Variants in SUGT1 observed in about 807,000 individuals in gnomAD.
SUGT1 encodes SGT1 assembly cochaperone of MIS12 kinetochore complex, also known as protein SGT1 homolog.
In SUGT1, 15 loss-of-function variants were observed where a neutral mutation model predicts 56.1. The ratio of observed to expected loss-of-function variants is 0.27; its 90% CI spans 0.18 to 0.41. The LOEUF (loss-of-function observed/expected upper bound fraction) is 0.41, where lower values mean the gene tolerates loss of function less well. Ranked by LOEUF, SUGT1 falls within the 10% of genes least tolerant of loss-of-function variation. The pLI is 1.00. For synonymous variants in SUGT1, 123 were observed against 128.6 expected, an observed-to-expected ratio of 0.96 and a Z score of 0.30; for missense variants, 347 against 382.2, an observed-to-expected ratio of 0.91 and a Z score of 0.77.
chr13:52,673,255 T>TTTTTTTG (rs1963011471), intron 10 of SUGT1, among the ~76,000 whole-genome samples: 1 of 147,668 alleles, frequency 6.8e-6, no homozygotes. Context: ...TTTTTTTTTT[T>TTTTTTTG]GTGTGGGGGT....
At chr13:52,659,854 A>T (rs776600840) in intron 5 of SUGT1, among the ~76,000 whole-genome samples, 8 of 107,908 alleles carry the variant, frequency 7.4e-5, no homozygotes, top group Non-Finnish European at 1.2e-4. Context: ...TTTGAGACGG[A>T]GTCTCACTCT....
chr13:52,658,238 A>G (rs1439497010), intron 3 of SUGT1, 161 bp from the exon 4 acceptor site: 1 of 1,518,826 alleles, frequency 6.6e-7, no homozygotes. Flanking sequence ...TACAAGAGTA[A>G]TATTTATTTG....
At position 52,699,080 on chromosome 13, in the gene SUGT1, A is replaced by G. The variant is rs536931500; in HGVS notation, c.*11245A>G. On this transcript the variant is annotated 3_prime_UTR_variant, in exon 13 of 13. Transcript: ENST00000310528. ...TCACCTCTAATGCCTTATTTCCAGTAAAGTTTAGAGAAGAGGAAAAGCTAC... is the reference window on the plus strand; with the variant it reads ...TCACCTCTAATGCCTTATTTCCAGTGAAGTTTAGAGAAGAGGAAAAGCTAC... 6.6e-6 allele frequency: 1 copy of G among 152,334 alleles called. No individual in the cohort carries two copies. Among genetic ancestry groups the G allele is most frequent in the South Asian group, 2.1e-4 (1 of 4,820 alleles). The allele number at this position is 152,334 out of a possible 1,614,324, so 9.4% of individuals were successfully genotyped here. A position where few individuals can be genotyped will look rare whatever the true frequency, so the allele number is the denominator to read the frequency against.
At chr13:52,668,234 C>T (rs1303399094) in intron 10 of SUGT1, among the ~76,000 whole-genome samples, 1 of 152,172 alleles carries the variant, frequency 6.6e-6, no homozygotes. Flanking sequence ...CCCACCTTGG[C>T]CTCCCAAACT....
In SUGT1 at chr13:52,686,726, A is replaced by C. The variant is rs541377585; in HGVS notation, c.901-1008A>C. On this transcript the variant is annotated intron_variant, in intron 12 of 12. Coordinates refer to ENST00000310528, the MANE Select transcript of SUGT1 (RefSeq NM_006704.5). The stretch of plus-strand genomic sequence containing the variant: ...TGTTTATATTGTAATAATTCGCTCT[A>C]TTCTTTGATGTGGTTCAAATCCATT... 3.3e-5 allele frequency among the ~76,000 whole-genome samples: 5 copies of C among 152,326 alleles called. No individual in the cohort carries two copies. In the South Asian group the frequency reaches 6.2e-4, roughly 19 times the overall value.
chr13:52,661,598 C>G, intron 5 of SUGT1: 1 of 415,652 alleles, frequency 2.4e-6, no homozygotes, highest in Non-Finnish European at 4.8e-6. Flanking sequence ...CGGCCAAAAT[C>G]TGGGAAAAAG....
At chr13:52,658,286 A>G in intron 3 of SUGT1, 113 bp from the exon 4 acceptor site, 1 of 1,551,078 alleles carries the variant, frequency 6.4e-7, no homozygotes, top group Non-Finnish European at 8.7e-7. Context: ...ATTTAAAACC[A>G]TTTGGCATTT....
At chr13:52,684,475 A>G (rs1963498754) in intron 12 of SUGT1, among the ~76,000 whole-genome samples, 2 of 146,174 alleles carry the variant, frequency 1.4e-5, no homozygotes, top group Admixed American at 1.4e-4. Flanking sequence ...TGCTTGCTTT[A>G]AGGTGCATTT....
rs892584958 is a variant in SUGT1 at position 52,700,461 on chromosome 13, A to G, written c.*12626A>G. 1.3e-5 allele frequency: 2 copies of G among 152,148 alleles called. No homozygotes were observed. Among genetic ancestry groups the G allele is most frequent in the Non-Finnish European group, 2.9e-5 (2 of 68,002 alleles). The allele number at this position is 152,148 out of a possible 1,614,324, so 9.4% of individuals were successfully genotyped here. A position where few individuals can be genotyped will look rare whatever the true frequency, so the allele number is the denominator to read the frequency against. On this transcript the variant is annotated 3_prime_UTR_variant, in exon 13 of 13. Coordinates refer to ENST00000310528, the MANE Select transcript of SUGT1 (RefSeq NM_006704.5). ...TGAGTTCTTCAGTCAGTCAACACTA[A>G]ACCTGTTTTGTAAATTTGATGCTAG...
intron 10 of SUGT1, among the ~76,000 whole-genome samples, chr13:52,673,018 C>T (rs934769060): frequency 1.3e-5 from 2 of 152,042 alleles, no homozygotes; most frequent in Non-Finnish European, 2.9e-5. Flanking sequence ...AAGCAAACTA[C>T]CAAAGTTTTA....
In SUGT1 at chr13:52,692,329, G is replaced by A. The variant is rs890724861; in HGVS notation, c.*4494G>A. 6.6e-6 allele frequency: 1 copy of A among 152,060 alleles called. No individual in the cohort carries two copies. Among genetic ancestry groups the A allele is most frequent in the African/African-American group, 2.4e-5 (1 of 41,400 alleles). 9.4% of individuals were successfully genotyped at this position (152,060 alleles called of 1,614,324 possible). On this transcript the variant is annotated 3_prime_UTR_variant, in exon 13 of 13. Transcript: ENST00000310528. ...TGCAATCCTCTCATCAGGTTAATAA[G>A]CTAGATGTGGAATGAATGATTTTTA...
In SUGT1 at chr13:52,666,658, T is replaced by C. The variant is rs151298200; in HGVS notation, c.520-154T>C. Among the ~76,000 whole-genome samples the C allele has an allele frequency of 1.8e-3, 275 of 151,494 alleles. 2 individuals are homozygous for C. Among genetic ancestry groups the C allele is most frequent in the Non-Finnish European group, 2.8e-3 (191 of 67,664 alleles). On this transcript the variant is annotated intron_variant, in intron 9 of 12. Transcript: ENST00000310528. ...ATGGAAAAAAAAGGTTCTTAAATCT[T>C]TGAGAACCTTTTGAGGTTCTTAAAT...
Position 52,652,855 on chromosome 13 carries a change from G to A in SUGT1, c.-66G>A. On this transcript the variant is annotated 5_prime_UTR_variant, in exon 1 of 13. Coordinates refer to ENST00000310528, the MANE Select transcript of SUGT1 (RefSeq NM_006704.5). ...GTGTTTCTCCAGAAGTTTCCCCCTT[G>A]GGCGGTGGTGGAGGTGGTAACCGTG... The A allele has an allele frequency of 1.3e-6, 2 of 1,581,320 alleles. No homozygotes were observed. The highest frequency in any genetic ancestry group is 1.7e-6 in the Non-Finnish European group (2 of 1,162,212).
chr13:52,671,413 A>G (rs1428234876), intron 10 of SUGT1, among the ~76,000 whole-genome samples: 1 of 152,146 alleles, frequency 6.6e-6, no homozygotes, highest in East Asian at 1.9e-4. Flanking sequence ...CGGCATATGC[A>G]TGTACTGTAG....
rs947864767 is a variant in SUGT1 at position 52,665,707 on chromosome 13, G to C, written c.493G>C (p.Val165Leu). Residue 165 changes from valine to leucine, a missense_variant, in exon 9 of 13, where the codon GTA (valine) becomes CTA (leucine). Physicochemically the swap from Val to Leu is conservative, Grantham distance 32. Transcript: ENST00000310528. ...LMIKNVQKNDVNVEFSEKELS... is the reference protein window; with the variant it reads ...LMIKNVQKNDLNVEFSEKELS... ...GATCAAGAATGTTCAGAAGAATGAT[G>C]TAAATGTGGAATTTTCAGAAAAAGA... 15 of 1,603,838 alleles carry C rather than the reference G, an allele frequency of 9.4e-6. No homozygotes were observed. The Admixed American group carries it at 1.4e-4, about 15-fold the overall frequency.
At position 52,691,600 on chromosome 13, in the gene SUGT1, AAAAG is replaced by A. The variant is rs1418172443; in HGVS notation, c.*3766_*3769del. Reference sequence around the variant, plus strand: ...TTGTAGCTTTACTGACATTTCCAAAAAAAGGTAGACGGTTTCTAGGTGGTGTGTG... The same window carrying A: ...TTGTAGCTTTACTGACATTTCCAAAAGTAGACGGTTTCTAGGTGGTGTGTG... On this transcript the variant is annotated 3_prime_UTR_variant, in exon 13 of 13. Transcript: ENST00000310528. 1 of 152,144 alleles carries A rather than the reference AAAAG, an allele frequency of 6.6e-6. No homozygotes were observed. The highest frequency in any genetic ancestry group is 1.5e-5 in the Non-Finnish European group (1 of 68,028). The allele number at this position is 152,144 out of a possible 1,614,324, so 9.4% of individuals were successfully genotyped here.
intron 5 of SUGT1, chr13:52,661,613 G>A: frequency 2.4e-6 from 1 of 417,476 alleles, no homozygotes; most frequent in Non-Finnish European, 4.8e-6. Flanking sequence ...AAAAAGTTAA[G>A]TTAAACTTTT....
At chr13:52,657,136 C>T (rs925386091) in intron 2 of SUGT1, among the ~76,000 whole-genome samples, 5 of 152,260 alleles carry the variant, frequency 3.3e-5, no homozygotes, top group African/African-American at 4.8e-5. Flanking sequence ...TTTTATTGCA[C>T]AGCTTAACAT....
At chr13:52,684,392 CTTT>C (rs1328347178) in intron 12 of SUGT1, among the ~76,000 whole-genome samples, 1 of 139,194 alleles carries the variant, frequency 7.2e-6, no homozygotes, top group East Asian at 2.2e-4. Flanking sequence ...AGAATTAGCT[CTTT>C]GTTTCGTTTT....
Sources: allele counts gnomAD v4.1 joint callset (sites outside exome capture counted in the v4.1 genomes callset), GRCh38; gene constraint gnomAD v4.1.1; transcripts MANE v1.5; gene names NCBI Gene and HGNC (gene_info 2026-07-23, HGNC 2026-07-21).